Variants in LUZP2 observed in about 807,000 individuals in gnomAD.
LUZP2 encodes the protein leucine zipper protein 2.
A neutral mutation model predicts 51.6 loss-of-function variants in LUZP2; 52 were observed. The ratio of observed to expected loss-of-function variants is 1.01; its 90% CI spans 0.81 to 1.27. LUZP2 has a LOEUF of 1.27. Ranked by LOEUF, LUZP2 falls within the 50% of genes most tolerant of loss-of-function variation. The probability of loss-of-function intolerance (pLI) is 0.00; values close to 1 mark genes in which losing one functional copy is unlikely to be tolerated. For synonymous variants in LUZP2, 154 were observed against 137.3 expected (o/e 1.12, Z -0.85); for missense variants, 436 against 395.4 (o/e 1.10, Z -0.87).
chr11:24,678,472 C>T (rs1410809439), intron 1 of LUZP2, among the ~76,000 whole-genome samples: 1 of 151,712 alleles, frequency 6.6e-6, no homozygotes, highest in Non-Finnish European at 1.5e-5. Flanking sequence ...TATAAGTGTC[C>T]TAAATCAAAT....
At chr11:24,867,948 T>C (rs552317879) in intron 5 of LUZP2, among the ~76,000 whole-genome samples, 1 of 152,310 alleles carries the variant, frequency 6.6e-6, no homozygotes, top group Non-Finnish European at 1.5e-5. Flanking sequence ...GGATGATTTT[T>C]TAAAGGTGTT....
intron 4 of LUZP2, among the ~76,000 whole-genome samples, chr11:24,742,150 C>T (rs906271795): frequency 8.8e-5 from 13 of 148,286 alleles, no homozygotes; most frequent in Non-Finnish European, 1.9e-4. Context: ...GCGAATTGTG[C>T]ACTATAAATA....
At chr11:25,040,653 G>A (rs1194640368) in intron 9 of LUZP2, among the ~76,000 whole-genome samples, 1 of 151,998 alleles carries the variant, frequency 6.6e-6, no homozygotes, top group Non-Finnish European at 1.5e-5. Context: ...GATTTCAGTT[G>A]CAATATCCCA....
chr11:24,712,908 G>C (rs1300500204), intron 1 of LUZP2, among the ~76,000 whole-genome samples: 1 of 152,150 alleles, frequency 6.6e-6, no homozygotes, highest in Non-Finnish European at 1.5e-5. Context: ...GATTGGTAGG[G>C]GAAGAGTTAT....
intron 5 of LUZP2, among the ~76,000 whole-genome samples, chr11:24,899,931 C>G (rs1004993830): frequency 6.6e-6 from 1 of 152,120 alleles, no homozygotes; most frequent in African/African-American, 2.4e-5. Context: ...ATTCTAATGA[C>G]TTTCAAGTTC....
intron 8 of LUZP2, among the ~76,000 whole-genome samples, chr11:24,977,525 A>G (rs1197458278): frequency 2.0e-5 from 3 of 151,676 alleles, no homozygotes; most frequent in Non-Finnish European, 4.4e-5. Flanking sequence ...CTTCTGCTGT[A>G]CCATAAATAT....
At chr11:24,700,386 C>T (rs921374632) in intron 1 of LUZP2, among the ~76,000 whole-genome samples, 1 of 152,078 alleles carries the variant, frequency 6.6e-6, no homozygotes, top group Non-Finnish European at 1.5e-5. Flanking sequence ...CTTTTTAGGT[C>T]ATAGTTCAAG....
At chr11:24,940,450 G>A (rs1195439315) in intron 7 of LUZP2, among the ~76,000 whole-genome samples, 2 of 152,120 alleles carry the variant, frequency 1.3e-5, no homozygotes, top group African/African-American at 4.8e-5. Context: ...CATTTAAAAG[G>A]AGAGATTCTG....
intron 1 of LUZP2, among the ~76,000 whole-genome samples, chr11:24,629,549 C>CATATATATATATTCCATTGCAT (rs1854804355): frequency 7.1e-6 from 1 of 141,120 alleles, no homozygotes; most frequent in Non-Finnish European, 1.5e-5. Flanking sequence ...TATTCCATTG[C>CATATATATATATTCCATTGCAT]ATATATATAT....
At chr11:24,934,152 G>A (rs1460055823) in intron 7 of LUZP2, among the ~76,000 whole-genome samples, 1 of 152,192 alleles carries the variant, frequency 6.6e-6, no homozygotes, top group Non-Finnish European at 1.5e-5. Context: ...AATGTCATCA[G>A]TTAAAGCAGG....
chr11:24,621,556 T>G (rs1854495812), intron 1 of LUZP2, among the ~76,000 whole-genome samples: 1 of 152,212 alleles, frequency 6.6e-6, no homozygotes, highest in Non-Finnish European at 1.5e-5. Flanking sequence ...CAAATGTCAC[T>G]GAATTCCTAA....
At chr11:24,659,568 A>G (rs906853004) in intron 1 of LUZP2, among the ~76,000 whole-genome samples, 2 of 152,140 alleles carry the variant, frequency 1.3e-5, no homozygotes, top group African/African-American at 2.4e-5. Flanking sequence ...CTTTAAGTAT[A>G]ATTAAAAAAA....
chr11:24,633,726 T>C (rs1854970685), intron 1 of LUZP2, among the ~76,000 whole-genome samples: 1 of 151,958 alleles, frequency 6.6e-6, no homozygotes, highest in South Asian at 2.1e-4. Flanking sequence ...GTTTTCTATC[T>C]CATAATGAAT....
intron 5 of LUZP2, among the ~76,000 whole-genome samples, chr11:24,883,783 C>G (rs930403984): frequency 1.3e-5 from 2 of 151,998 alleles, no homozygotes; most frequent in African/African-American, 2.4e-5. Context: ...TTTGCTATGT[C>G]TTATGTACCT....
chr11:24,763,222 A>G (rs1351492569), intron 4 of LUZP2, 24 bp from the exon 5 acceptor site: 5 of 1,133,000 alleles, frequency 4.4e-6, no homozygotes, highest in African/African-American at 3.2e-5. Context: ...GAATGTGTCT[A>G]CATAATAGTC....
At chr11:24,958,426 CTT>C (rs1855277249) in intron 7 of LUZP2, among the ~76,000 whole-genome samples, 2 of 152,046 alleles carry the variant, frequency 1.3e-5, no homozygotes, top group South Asian at 2.1e-4. Context: ...TGTTTCCTGA[CTT>C]TTTAATGATT....
chr11:24,791,334 C>T (rs577823547), intron 5 of LUZP2, among the ~76,000 whole-genome samples: 3 of 152,078 alleles, frequency 2.0e-5, no homozygotes, highest in South Asian at 2.1e-4. Flanking sequence ...ATTTGAATAT[C>T]GTATTTTCAA....
At chr11:24,533,372 C>T (rs566416313) in intron 1 of LUZP2, among the ~76,000 whole-genome samples, 1 of 151,312 alleles carries the variant, frequency 6.6e-6, no homozygotes, top group South Asian at 2.1e-4. Context: ...CATTCAACTC[C>T]CTTTATGTTG....
At chr11:24,934,261 G>C (rs1026482057) in intron 7 of LUZP2, among the ~76,000 whole-genome samples, 1 of 152,126 alleles carries the variant, frequency 6.6e-6, no homozygotes, top group Non-Finnish European at 1.5e-5. Context: ...CTTAGCTTGG[G>C]CTCGGAGGCC....
Sources: gnomAD v4.1 joint callset for allele counts (sites outside exome capture counted in the v4.1 genomes callset) on GRCh38, gnomAD v4.1.1 for gene constraint, MANE v1.5 for transcripts, NCBI Gene and HGNC (gene_info 2026-07-23, HGNC 2026-07-21) for gene names.